Variants in RPH3AL observed in about 807,000 individuals in gnomAD.
RPH3AL encodes rab effector Noc2.
A neutral mutation model predicts 43.1 loss-of-function variants in RPH3AL; 38 were observed. That is an observed-to-expected ratio of 0.88 (90% CI 0.68 to 1.15). The LOEUF (loss-of-function observed/expected upper bound fraction) is 1.15, where lower values mean the gene tolerates loss of function less well. Ranked by LOEUF, RPH3AL falls within the 50% of genes most tolerant of loss-of-function variation. RPH3AL has a pLI of 0.00. For synonymous variants in RPH3AL, 189 were observed against 176.3 expected, an observed-to-expected ratio of 1.07 and a Z score of -0.57; for missense variants, 462 against 423.2, an observed-to-expected ratio of 1.09 and a Z score of -0.81.
At chr17:252,697 G>T (rs936819017) in intron 6 of RPH3AL, among the ~76,000 whole-genome samples, 3 of 152,160 alleles carry the variant, frequency 2.0e-5, no homozygotes, top group African/African-American at 7.2e-5. Flanking sequence ...CCCAGTGCTC[G>T]GTTATTGCCT....
At chr17:315,149 C>A (rs1555519293) in intron 5 of RPH3AL, among the ~76,000 whole-genome samples, 53 of 147,136 alleles carry the variant, frequency 3.6e-4, no homozygotes, top group African/African-American at 7.1e-4. Context: ...CCTCCATTGA[C>A]CTGTAGTCCC....
At chr17:351,696 T>C (rs1213441155) in intron 1 of RPH3AL, among the ~76,000 whole-genome samples, 1 of 152,162 alleles carries the variant, frequency 6.6e-6, no homozygotes, top group Non-Finnish European at 1.5e-5. Context: ...ATATTTCCCT[T>C]TAAATCAACC....
rs1024685114 is a variant in RPH3AL at position 323,797 on chromosome 17, G to A, written c.78-2382C>T. On this transcript the variant is annotated intron_variant, in intron 3 of 9. Coordinates refer to ENST00000331302, the MANE Select transcript of RPH3AL (RefSeq NM_006987.4). The surrounding 1 kb of genome is among the most constrained non-coding windows in gnomAD (Gnocchi z 4.4). Reference sequence around the variant, plus strand: ...CATCGGACCCTCACAGTCACCCCGAGGCAGGCCCGGACCCTCCATCACCCC... The same window carrying A: ...CATCGGACCCTCACAGTCACCCCGAAGCAGGCCCGGACCCTCCATCACCCC... Among the ~76,000 whole-genome samples, 2 of 152,008 alleles carry A rather than the reference G, an allele frequency of 1.3e-5. No individual in the cohort carries two copies. Among genetic ancestry groups the A allele is most frequent in the East Asian group, 1.9e-4 (1 of 5,188 alleles).
intron 6 of RPH3AL, among the ~76,000 whole-genome samples, chr17:265,797 T>C (rs968975017): frequency 6.6e-6 from 1 of 152,268 alleles, no homozygotes; most frequent in East Asian, 1.9e-4. Context: ...CAAAAGCCAA[T>C]GTTCTTGCAG....
intron 5 of RPH3AL, among the ~76,000 whole-genome samples, chr17:296,424 A>G (rs1277472676): frequency 6.6e-6 from 1 of 150,912 alleles, no homozygotes; most frequent in Non-Finnish European, 1.5e-5. Flanking sequence ...TCAGTGTGGG[A>G]GGGACAGAGG....
At chr17:235,147 G>C (rs71372168) in intron 7 of RPH3AL, among the ~76,000 whole-genome samples, 1 of 134,264 alleles carries the variant, frequency 7.4e-6, no homozygotes, top group Non-Finnish European at 1.6e-5. Context: ...AACAAGACGG[G>C]TGCAGGGTTC....
rs1567576260 is a variant in RPH3AL, at chr17:242,317, C to CTACCTTCCTCTATTGAT, written c.613+4793_613+4794insATCAATAGAGGAAGGTA. 1.5e-4 allele frequency among the ~76,000 whole-genome samples: 14 copies of CTACCTTCCTCTATTGAT among 94,798 alleles called. 4 individuals carry two copies. Among genetic ancestry groups the CTACCTTCCTCTATTGAT allele is most frequent in the East Asian group, 1.0e-3 (3 of 2,948 alleles). The allele number at this position is 94,798 out of a possible 152,430, so 62.2% of individuals were successfully genotyped here. A position where few individuals can be genotyped will look rare whatever the true frequency, so the allele number is the denominator to read the frequency against. On this transcript the variant is annotated intron_variant, in intron 7 of 9. Transcript: ENST00000331302. Reference sequence around the variant, plus strand: ...TCTATTGATTACCTTCCTCTATTGACTACCTTCCTCTATTGACTACCTTCC... The same window carrying CTACCTTCCTCTATTGAT: ...TCTATTGATTACCTTCCTCTATTGACTACCTTCCTCTATTGATTACCTTCCTCTATTGACTACCTTCC...
rs1219705517 is a variant in RPH3AL, at chr17:290,196, G to A, written c.352-8342C>T. On this transcript the variant is annotated intron_variant, in intron 5 of 9. Coordinates refer to ENST00000331302, the MANE Select transcript of RPH3AL (RefSeq NM_006987.4). This position sits in a 1 kb window ranked among gnomAD's most constrained non-coding sequence, Gnocchi z 4.2. ...GAAGGCACTCGCTCAGCGACACGAG[G>A]CAGGGTCCAATCACGTCCACATTGA... Among the ~76,000 whole-genome samples the A allele has an allele frequency of 1.3e-5, 2 of 152,262 alleles. No homozygotes were observed. Among genetic ancestry groups the A allele is most frequent in the African/African-American group, 4.8e-5 (2 of 41,464 alleles).
At chr17:272,661 A>T (rs191896619) in intron 6 of RPH3AL, among the ~76,000 whole-genome samples, 33 of 149,480 alleles carry the variant, frequency 2.2e-4, no homozygotes, top group Non-Finnish European at 1.0e-4. Flanking sequence ...TGCTAAAATG[A>T]CGAGTTAATG....
In RPH3AL at chr17:333,390, C is replaced by A; in HGVS notation, c.-37+369G>T. 2.2e-6 allele frequency: 2 copies of A among 921,228 alleles called. No homozygotes were observed. Among genetic ancestry groups the A allele is most frequent in the Non-Finnish European group, 3.0e-6 (2 of 673,246 alleles). 57.1% of individuals were successfully genotyped at this position (921,228 alleles called of 1,614,324 possible). ...CTTAACACCTTAATGTAGCACCTTC[C>A]AACTTTTCCTGGGCATTTATGTACA... On this transcript the variant is annotated intron_variant, in intron 2 of 9. Transcript: ENST00000331302. The surrounding 1 kb of genome is among the most constrained non-coding windows in gnomAD (Gnocchi z 4.5).
In RPH3AL at chr17:219,689, G is replaced by C. The variant is rs1367296542; in HGVS notation, c.661C>G (p.Leu221Val). Residue 221 changes from leucine (L) to valine (V), a missense_variant, in exon 8 of 10, where the codon CTA becomes GTA. Physicochemically the swap from Leu to Val is conservative, Grantham distance 32. Coordinates refer to ENST00000331302, the MANE Select transcript of RPH3AL (RefSeq NM_006987.4). ...CCAGTGGATGGGAGTCTGTCCTCTAGGCTGGAGGAGCTAAGATCCGAGTCA... is the reference window on the plus strand; with the variant it reads ...CCAGTGGATGGGAGTCTGTCCTCTACGCTGGAGGAGCTAAGATCCGAGTCA... ...DSDSDLSSSS[L>V]EDRLPSTGVR... The C allele has an allele frequency of 6.2e-6, 10 of 1,613,470 alleles. No individual in the cohort carries two copies. Among genetic ancestry groups the C allele is most frequent in the Non-Finnish European group, 8.5e-6 (10 of 1,179,884 alleles).
intron 7 of RPH3AL, among the ~76,000 whole-genome samples, chr17:241,032 G>A (rs868102126): frequency 6.6e-6 from 1 of 150,478 alleles, no homozygotes; most frequent in Non-Finnish European, 1.5e-5. Context: ...ACTCCAGCCT[G>A]GCGACAGAGT....
chr17:294,987 T>C (rs369577012), intron 5 of RPH3AL, among the ~76,000 whole-genome samples: 130 of 53,012 alleles, frequency 2.5e-3, no homozygotes, highest in African/African-American at 4.2e-3. Context: ...ACAGATGCTG[T>C]AGAAATGGAA....
intron 7 of RPH3AL, among the ~76,000 whole-genome samples, chr17:243,332 T>C (rs1480340431): frequency 7.0e-6 from 1 of 143,716 alleles, no homozygotes; most frequent in Non-Finnish European, 1.5e-5. Context: ...CCTCTACTGA[T>C]TGCCCCTCCT....
chr17:232,026 T>C (rs1216247092), intron 7 of RPH3AL, among the ~76,000 whole-genome samples: 4 of 152,260 alleles, frequency 2.6e-5, no homozygotes. Flanking sequence ...CCTCCATTCA[T>C]GCCCCTCATC....
chr17:281,839 A>G lies in RPH3AL; in HGVS notation c.367T>C (p.Cys123Arg). The G allele has an allele frequency of 6.2e-7, 1 of 1,614,012 alleles. No individual in the cohort carries two copies. Among genetic ancestry groups the G allele is most frequent in the Non-Finnish European group, 8.5e-7 (1 of 1,179,930 alleles). Residue 123 changes from cysteine to arginine, a missense_variant, in exon 6 of 10, where the codon TGT becomes CGT. Coordinates refer to ENST00000331302, the MANE Select transcript of RPH3AL (RefSeq NM_006987.4). ...KDCRKKVCTK[C>R]GIEASPGQKR... ...TGGCCAGGGGAGGCCTCGATCCCAC[A>G]TTTGGTGCAGACTTTCTACAAGAGA...
intron 5 of RPH3AL, among the ~76,000 whole-genome samples, chr17:298,791 T>C (rs768901911): frequency 1.3e-5 from 2 of 151,966 alleles, no homozygotes; most frequent in Non-Finnish European, 2.9e-5. Context: ...AGACAAACAT[T>C]GTAGGATTTC....
chr17:218,225 C>G (rs930504873), intron 8 of RPH3AL, among the ~76,000 whole-genome samples: 2 of 141,338 alleles, frequency 1.4e-5, no homozygotes, highest in Non-Finnish European at 3.0e-5. Flanking sequence ...AATCAGGACC[C>G]CCAAGGCATT....
intron 5 of RPH3AL, among the ~76,000 whole-genome samples, chr17:311,574 G>C (rs543741107): frequency 2.6e-4 from 40 of 152,372 alleles, no homozygotes; most frequent in African/African-American, 9.6e-4. Context: ...CGTGAGGGAA[G>C]CGATTATTCT....
Sources: gnomAD v4.1 joint callset for allele counts (sites outside exome capture counted in the v4.1 genomes callset) on GRCh38, gnomAD v4.1.1 for gene constraint, Gnocchi (gnomAD v3.1) non-coding constraint, MANE v1.5 for transcripts, NCBI Gene and HGNC (gene_info 2026-07-23, HGNC 2026-07-21) for gene names.